Variants in POM121C observed in about 807,000 individuals in gnomAD.
POM121C encodes POM121 transmembrane nucleoporin C.
A neutral mutation model predicts 66.4 loss-of-function variants in POM121C; 20 were observed. The ratio of observed to expected loss-of-function variants is 0.30; its 90% confidence interval spans 0.21 to 0.44. The LOEUF (loss-of-function observed/expected upper bound fraction) is 0.44, where lower values mean the gene tolerates loss of function less well. Ranked by LOEUF, POM121C falls within the 20% of genes least tolerant of loss-of-function variation. The pLI, the probability that POM121C is intolerant of heterozygous loss-of-function variation, is 1.00. For synonymous variants in POM121C, 286 were observed against 528.0 expected (o/e 0.54, Z 6.28); for missense variants, 580 against 1,225.7 (o/e 0.47, Z 7.87).
At chr7:75,430,595 G>C (rs1321862743) in intron 7 of POM121C, among the ~76,000 whole-genome samples, 2 of 152,148 alleles carry the variant, frequency 1.3e-5, no homozygotes, top group Non-Finnish European at 1.5e-5. Context: ...TAGCATAGAA[G>C]AAAATTATCA....
intron 3 of POM121C, among the ~76,000 whole-genome samples, chr7:75,447,269 A>G (rs1380515209): frequency 1.3e-5 from 2 of 151,960 alleles, no homozygotes; most frequent in Admixed American, 6.6e-5. Flanking sequence ...AAATATTAGA[A>G]GAAATAATGG....
At chr7:75,449,559 G>T (rs1413168858) in intron 3 of POM121C, among the ~76,000 whole-genome samples, 2 of 151,972 alleles carry the variant, frequency 1.3e-5, no homozygotes, top group African/African-American at 4.8e-5. Context: ...ATAGAGACAG[G>T]GTTTCACCGT....
intron 3 of POM121C, among the ~76,000 whole-genome samples, chr7:75,460,262 C>T (rs1482725944): frequency 2.1e-5 from 3 of 144,294 alleles, no homozygotes; most frequent in Non-Finnish European, 4.4e-5. Context: ...GGGGCCGAGG[C>T]GGAGGGAATC....
intron 3 of POM121C, among the ~76,000 whole-genome samples, chr7:75,471,942 G>C (rs1791895345): frequency 6.6e-6 from 1 of 152,034 alleles, no homozygotes; most frequent in African/African-American, 2.4e-5. Context: ...CTGGAGTGCA[G>C]CGGTGTGATC....
chr7:75,456,859 T>C (rs1482336746), intron 3 of POM121C, among the ~76,000 whole-genome samples: 2 of 151,752 alleles, frequency 1.3e-5, no homozygotes, highest in African/African-American at 2.4e-5. Context: ...TCAAAATACA[T>C]GAAGCAGCTG....
intron 6 of POM121C, among the ~76,000 whole-genome samples, chr7:75,438,500 T>C (rs1332673119): frequency 1.3e-5 from 2 of 152,318 alleles, no homozygotes; most frequent in East Asian, 1.9e-4. Flanking sequence ...CTCTGGGCTG[T>C]TGCAAATCTC....
chr7:75,476,648 C>G (rs113144856), intron 1 of POM121C, among the ~76,000 whole-genome samples: 141,646 of 151,992 alleles, frequency 0.93, 66,113 homozygotes, highest in African/African-American at 0.98. Flanking sequence ...TCTGGGTTAA[C>G]TTAGTCCAGA....
intron 5 of POM121C, among the ~76,000 whole-genome samples, chr7:75,439,949 C>CG (rs1563144438): frequency 6.7e-6 from 1 of 148,174 alleles, no homozygotes; most frequent in African/African-American, 2.5e-5. Context: ...GGCATGGTCT[C>CG]GGCTCGCTGC....
chr7:75,423,885 T>C lies in POM121C; in HGVS notation c.1048+164A>G, dbSNP rs2429593. On this transcript the variant is annotated intron_variant, in intron 12 of 14. Coordinates refer to ENST00000615331, the MANE Select transcript of POM121C (RefSeq NM_001099415.3). ...ACCCCTTCTCTAACACTTCCTGATG[T>C]GGGCTCCGGCGCTGTTAAACGTAGG... Among the ~76,000 whole-genome samples the C allele has an allele frequency of 1.6e-4, 24 of 152,312 alleles. 1 individual carries two copies. The highest frequency in any genetic ancestry group is 7.7e-4 in the East Asian group (4 of 5,184).
At chr7:75,468,167 AAGAAACGC>A (rs1791742962) in intron 3 of POM121C, among the ~76,000 whole-genome samples, 1 of 150,778 alleles carries the variant, frequency 6.6e-6, no homozygotes, top group South Asian at 2.1e-4. Flanking sequence ...AGAAAAGAAA[AAGAAACGC>A]AGAAACACAA....
chr7:75,437,115 C>T (rs1298003583), intron 7 of POM121C, among the ~76,000 whole-genome samples: 1 of 152,160 alleles, frequency 6.6e-6, no homozygotes, highest in Non-Finnish European at 1.5e-5. Context: ...ACCCTCTGTC[C>T]GTTTATCTAC....
intron 7 of POM121C, among the ~76,000 whole-genome samples, chr7:75,435,531 A>G (rs1790369372): frequency 6.6e-6 from 1 of 152,234 alleles, no homozygotes; most frequent in South Asian, 2.1e-4. Flanking sequence ...AAAAAGGAAA[A>G]CATAGAAATC....
intron 1 of POM121C, among the ~76,000 whole-genome samples, chr7:75,484,845 GT>G (rs1554480640): frequency 6.6e-6 from 1 of 151,888 alleles, no homozygotes; most frequent in Admixed American, 6.6e-5. Context: ...TACGGCTCAT[GT>G]TTTTTGTGGT....
intron 3 of POM121C, among the ~76,000 whole-genome samples, chr7:75,451,826 AG>A (rs1791030940): frequency 6.6e-6 from 1 of 152,160 alleles, no homozygotes; most frequent in Admixed American, 6.5e-5. Flanking sequence ...AGAAACGACA[AG>A]GAACTTAAAC....
intron 3 of POM121C, among the ~76,000 whole-genome samples, chr7:75,469,774 T>G (rs55688682): frequency 0.16 from 24,226 of 152,128 alleles, 2,478 homozygotes; most frequent in African/African-American, 0.28. Context: ...AAACATGCCA[T>G]GCATACTCCT....
intron 3 of POM121C, among the ~76,000 whole-genome samples, chr7:75,448,629 C>A (rs1207629038): frequency 7.1e-6 from 1 of 140,706 alleles, no homozygotes; most frequent in Admixed American, 7.2e-5. Flanking sequence ...TGGTGAAACC[C>A]CATCTCTACT....
At chr7:75,466,059 G>A (rs1386559403) in intron 3 of POM121C, among the ~76,000 whole-genome samples, 5 of 151,454 alleles carry the variant, frequency 3.3e-5, no homozygotes, top group African/African-American at 1.2e-4. Flanking sequence ...AGGAGTTTGA[G>A]GCTTCAATGA....
intron 1 of POM121C, among the ~76,000 whole-genome samples, chr7:75,480,885 G>T (rs1424162484): frequency 1.3e-5 from 2 of 151,802 alleles, no homozygotes; most frequent in African/African-American, 4.8e-5. Flanking sequence ...TTAGATAAAA[G>T]TATTAAATCA....
chr7:75,424,382 A>C, intron 11 of POM121C, 144 bp downstream of exon 11: 1 of 1,269,920 alleles, frequency 7.9e-7, no homozygotes, highest in Non-Finnish European at 1.1e-6. Flanking sequence ...CAACACGGAT[A>C]TCTCAGGTGA....
Sources: allele counts gnomAD v4.1 joint callset (sites outside exome capture counted in the v4.1 genomes callset), GRCh38; gene constraint gnomAD v4.1.1; transcripts MANE v1.5; gene names NCBI Gene and HGNC (gene_info 2026-07-23, HGNC 2026-07-21).